MYRIP: variants seen among roughly 807,000 people sequenced by gnomAD.
MYRIP encodes myosin VIIA and Rab interacting protein, also known as rab effector MyRIP.
A neutral mutation model predicts 98.0 loss-of-function variants in MYRIP; 49 were observed. That is an observed-to-expected ratio of 0.50 (90% CI 0.40 to 0.63). The LOEUF is 0.63. Ranked by LOEUF, MYRIP falls within the 30% of genes least tolerant of loss-of-function variation. The pLI is 0.00. For missense variants in MYRIP, 1,004 were observed against 1,058.2 expected (o/e 0.95, Z 0.71); for synonymous variants, 404 against 409.5 (o/e 0.99, Z 0.16).
At chr3:39,862,311 C>A (rs764885832) in intron 1 of MYRIP, among the ~76,000 whole-genome samples, 1 of 152,084 alleles carries the variant, frequency 6.6e-6, no homozygotes, top group Non-Finnish European at 1.5e-5. Context: ...ACCATCAGCC[C>A]TGGATTATAA....
At chr3:40,249,462 C>T (rs1010059340) in intron 13 of MYRIP, among the ~76,000 whole-genome samples, 7 of 152,182 alleles carry the variant, frequency 4.6e-5, no homozygotes, top group African/African-American at 1.7e-4. Flanking sequence ...ATCTGTGAAA[C>T]CAAGATAATG....
intron 3 of MYRIP, among the ~76,000 whole-genome samples, chr3:40,070,314 A>G (rs1948198850): frequency 6.6e-6 from 1 of 152,156 alleles, no homozygotes; most frequent in South Asian, 2.1e-4. Context: ...ATTTCACAGG[A>G]CTGCTCCTTA....
chr3:40,039,670 G>C (rs1947466523), intron 2 of MYRIP, among the ~76,000 whole-genome samples: 1 of 151,924 alleles, frequency 6.6e-6, no homozygotes, highest in East Asian at 1.9e-4. Flanking sequence ...GACTATAAGA[G>C]AGTGGTAATT....
chr3:40,065,736 A>C (rs1948113804), intron 3 of MYRIP, among the ~76,000 whole-genome samples: 1 of 152,154 alleles, frequency 6.6e-6, no homozygotes, highest in Non-Finnish European at 1.5e-5. Flanking sequence ...TTACACCCAG[A>C]AGAGGCATGT....
chr3:40,144,458 G>T (rs1169238600), intron 3 of MYRIP, among the ~76,000 whole-genome samples: 1 of 152,190 alleles, frequency 6.6e-6, no homozygotes, highest in Non-Finnish European at 1.5e-5. Flanking sequence ...AAAAGGAAAA[G>T]AAATGTCCCT....
chr3:40,064,949 C>G (rs1341063962), intron 3 of MYRIP, among the ~76,000 whole-genome samples: 1 of 152,190 alleles, frequency 6.6e-6, no homozygotes, highest in Non-Finnish European at 1.5e-5. Flanking sequence ...AACCCACAAA[C>G]TTCCACGTTC....
chr3:40,181,812 T>C, intron 8 of MYRIP, among the ~76,000 whole-genome samples: 1 of 152,196 alleles, frequency 6.6e-6, no homozygotes, highest in Non-Finnish European at 1.5e-5. Context: ...GTAATAGTCC[T>C]GTGCTGTGGA....
intron 1 of MYRIP, among the ~76,000 whole-genome samples, chr3:39,857,302 T>C (rs1942334466): frequency 7.9e-6 from 1 of 126,654 alleles, no homozygotes; most frequent in African/African-American, 3.1e-5. Context: ...TATGAACCGA[T>C]TGACAAAGAA....
intron 1 of MYRIP, among the ~76,000 whole-genome samples, chr3:39,820,477 C>A (rs534909645): frequency 3.3e-5 from 5 of 152,314 alleles, no homozygotes; most frequent in African/African-American, 9.6e-5. Flanking sequence ...ACCTCTGTCT[C>A]CAGCATCATT....
At chr3:39,839,081 T>G (rs148586393) in intron 1 of MYRIP, among the ~76,000 whole-genome samples, 1 of 152,152 alleles carries the variant, frequency 6.6e-6, no homozygotes, top group Non-Finnish European at 1.5e-5. Flanking sequence ...TTCTTCTCTC[T>G]TTTCTTCTTG....
rs116536029 is a variant in MYRIP at position 40,234,710 on chromosome 3, T to C, written c.2100+657T>C. Reference sequence around the variant, plus strand: ...TCTCTAATTTAAGATACCAACAAAATCTGGCCAGGCACTGTGGCTCACATC... The same window carrying C: ...TCTCTAATTTAAGATACCAACAAAACCTGGCCAGGCACTGTGGCTCACATC... On this transcript the variant is annotated intron_variant, in intron 12 of 16. Transcript: ENST00000302541. 2.8e-3 allele frequency among the ~76,000 whole-genome samples: 421 copies of C among 152,200 alleles called. 3 individuals carry two copies. Among genetic ancestry groups the C allele is most frequent in the African/African-American group, 9.4e-3 (390 of 41,560 alleles).
At chr3:39,889,197 A>T (rs533812036) in intron 1 of MYRIP, among the ~76,000 whole-genome samples, 1 of 152,378 alleles carries the variant, frequency 6.6e-6, no homozygotes, top group East Asian at 1.9e-4. Context: ...CTAAAGGAGT[A>T]TAAATAATGC....
intron 9 of MYRIP, among the ~76,000 whole-genome samples, chr3:40,184,912 T>A (rs963165555): frequency 6.6e-6 from 1 of 152,206 alleles, no homozygotes; most frequent in Non-Finnish European, 1.5e-5. Context: ...AGATTTAAAA[T>A]TTTTTAAAAA....
chr3:40,223,434 C>T (rs887306072), intron 11 of MYRIP, among the ~76,000 whole-genome samples: 3 of 152,104 alleles, frequency 2.0e-5, no homozygotes, highest in Admixed American at 6.5e-5. Context: ...ATTTAACTCA[C>T]CATTAATCTC....
At chr3:40,107,090 G>A (rs1257894509) in intron 3 of MYRIP, among the ~76,000 whole-genome samples, 2 of 152,110 alleles carry the variant, frequency 1.3e-5, no homozygotes, top group South Asian at 2.1e-4. Context: ...CAACCCATGC[G>A]CTCAACTTTT....
At chr3:39,973,225 A>C (rs181330044) in intron 2 of MYRIP, among the ~76,000 whole-genome samples, 1 of 152,282 alleles carries the variant, frequency 6.6e-6, no homozygotes, top group East Asian at 1.9e-4. Context: ...AGCAAATGGA[A>C]AACAAAAAAA....
chr3:40,171,632 G>A (rs1016078872), intron 8 of MYRIP, among the ~76,000 whole-genome samples: 31 of 152,298 alleles, frequency 2.0e-4, no homozygotes, highest in African/African-American at 7.5e-4. Flanking sequence ...CCTGGGGTAG[G>A]ATTCTGGACT....
chr3:40,024,939 C>G (rs1026255441), intron 2 of MYRIP, among the ~76,000 whole-genome samples: 1 of 152,172 alleles, frequency 6.6e-6, no homozygotes, highest in Non-Finnish European at 1.5e-5. Context: ...TTTTTGGTGC[C>G]TGCTGCACAA....
intron 11 of MYRIP, among the ~76,000 whole-genome samples, chr3:40,225,825 C>A (rs1952471329): frequency 6.6e-6 from 1 of 152,134 alleles, no homozygotes; most frequent in South Asian, 2.1e-4. Context: ...GAAGCCATGG[C>A]CACATATTTA....
Sources: gnomAD v4.1 joint callset for allele counts (sites outside exome capture counted in the v4.1 genomes callset) on GRCh38, gnomAD v4.1.1 for gene constraint, MANE v1.5 for transcripts, NCBI Gene and HGNC (gene_info 2026-07-23, HGNC 2026-07-21) for gene names.